RSPH10B: variants seen among roughly 807,000 people sequenced by gnomAD.
RSPH10B encodes radial spoke head 10 homolog B, also known as radial spoke head 10 homolog B (Chlamydomonas).
RSPH10B carries 7 observed loss-of-function variants against 52.5 expected under a neutral mutation model. That is an observed-to-expected ratio of 0.13 (90% CI 0.08 to 0.25). The LOEUF is 0.25. Ranked by LOEUF, RSPH10B falls within the 10% of genes least tolerant of loss-of-function variation. RSPH10B has a pLI of 1.00. For synonymous variants in RSPH10B, 28 were observed against 193.2 expected, an observed-to-expected ratio of 0.14 and a Z score of 7.09; for missense variants, 89 against 542.5, an observed-to-expected ratio of 0.16 and a Z score of 8.30.
rs568197643 is a variant in RSPH10B, at chr7:5,956,590, G to A, written c.781-409C>T. ...TTGCTTTTATATATTTTTATTTTTT[G>A]AGAAAGGGTCTCACTCTGTTACCCA... is the stretch of plus-strand genomic sequence containing the variant. On this transcript the variant is annotated intron_variant, in intron 6 of 18. Transcript: ENST00000337579. 3.5e-5 allele frequency among the ~76,000 whole-genome samples: 5 copies of A among 144,340 alleles called. No homozygotes were observed. The South Asian group carries it at 8.7e-4, about 25-fold the overall frequency. 94.7% of individuals were successfully genotyped at this position (144,340 alleles called of 152,430 possible).
chr7:5,938,395 G>A (rs1178387819), intron 14 of RSPH10B, among the ~76,000 whole-genome samples: 1 of 123,504 alleles, frequency 8.1e-6, no homozygotes, highest in South Asian at 2.3e-4. Context: ...GTGAAACTCC[G>A]TCTCTACTAA....
In RSPH10B at chr7:5,940,942, A is replaced by ATT. The variant is rs1562565206; in HGVS notation, c.1759-2114_1759-2113insAA. On this transcript the variant is annotated intron_variant, in intron 13 of 18. Coordinates refer to ENST00000337579, the Ensembl canonical transcript of RSPH10B. ...CTGTCAAAATAATAATAATAATAAT[A>ATT]ATTATTATTATTATTATTATTATTA... Among the ~76,000 whole-genome samples the ATT allele has an allele frequency of 4.0e-3, 186 of 45,970 alleles. 11 individuals are homozygous for ATT. Among genetic ancestry groups the ATT allele is most frequent in the African/African-American group, 8.4e-3 (158 of 18,746 alleles). 30.2% of individuals were successfully genotyped at this position (45,970 alleles called of 152,430 possible). A position where few individuals can be genotyped will look rare whatever the true frequency, so the allele number is the denominator to read the frequency against.
At chr7:5,942,930 T>TATATATATATATATATATA (rs1780281976) in intron 13 of RSPH10B, among the ~76,000 whole-genome samples, 1 of 144,518 alleles carries the variant, frequency 6.9e-6, no homozygotes, top group African/African-American at 2.5e-5. Context: ...ATATATATTT[T>TATATATATATATATATATA]TTTTTAAGAC....
intron 9 of RSPH10B, among the ~76,000 whole-genome samples, chr7:5,950,560 A>C (rs1583235025): frequency 7.3e-6 from 1 of 136,462 alleles, no homozygotes; most frequent in Non-Finnish European, 1.6e-5. Context: ...GACAAAAGGG[A>C]CTCCGTCTCA....
intron 11 of RSPH10B, among the ~76,000 whole-genome samples, chr7:5,944,387 G>C (rs1456431569): frequency 1.3e-5 from 2 of 150,646 alleles, no homozygotes; most frequent in Non-Finnish European, 2.9e-5. Context: ...GACAGAGCGA[G>C]ATTCCATCTC....
At chr7:5,929,450 G>A (rs1241380029) in intron 17 of RSPH10B, among the ~76,000 whole-genome samples, 1 of 98,886 alleles carries the variant, frequency 1.0e-5, no homozygotes, top group Non-Finnish European at 1.9e-5. Flanking sequence ...TTACAGGCAT[G>A]AGCCTCTGCA....
At chr7:5,928,516 G>A (rs556796435) in intron 17 of RSPH10B, 122 bp from the exon 20 acceptor site, 4 of 1,485,692 alleles carry the variant, frequency 2.7e-6, no homozygotes, top group African/African-American at 1.4e-5. Flanking sequence ...CAGGAGAGGG[G>A]AGAGGAGTAA....
At chr7:5,941,952 G>C (rs1448630908) in intron 13 of RSPH10B, among the ~76,000 whole-genome samples, 1 of 148,958 alleles carries the variant, frequency 6.7e-6, no homozygotes, top group East Asian at 1.9e-4. Context: ...GAGTGCAGTG[G>C]CACAATTCCA....
At chr7:5,945,248 A>G in intron 10 of RSPH10B, 70 bp from the exon 13 acceptor site, 1 of 392,914 alleles carries the variant, frequency 2.5e-6, no homozygotes, top group South Asian at 2.2e-5. Context: ...CGCCTGGTAT[A>G]CAATTCGAAG....
At chr7:5,956,674 T>G (rs189639655) in intron 6 of RSPH10B, among the ~76,000 whole-genome samples, 71 of 150,832 alleles carry the variant, frequency 4.7e-4, no homozygotes, top group Non-Finnish European at 8.2e-4. Context: ...ACTCAAGTGA[T>G]CCTCCCACCT....
rs1298190628 is a variant in RSPH10B, at chr7:5,937,864, AAGCTTAAGAG to A, written c.1894_1903del (p.Leu633HisfsTer9). 4.3e-6 allele frequency: 3 copies of A among 701,078 alleles called. No homozygotes were observed. The Admixed American group carries it at 7.1e-5, about 17-fold the overall frequency. The allele number at this position is 701,078 out of a possible 1,614,324, so 43.4% of individuals were successfully genotyped here. A position where few individuals can be genotyped will look rare whatever the true frequency, so the allele number is the denominator to read the frequency against. On this transcript the variant is annotated frameshift_variant, in exon 15 of 19. Coordinates refer to ENST00000337579, the Ensembl canonical transcript of RSPH10B. LOFTEE classifies it high-confidence loss of function. ...TTGGTCAGTAACACAGATGAATGCA[AAGCTTAAGAG>A]AGCTTCAAAGAATTCCAGGAAAACC...
intron 7 of RSPH10B, among the ~76,000 whole-genome samples, chr7:5,955,185 CA>C (rs1780711124): frequency 8.0e-6 from 1 of 125,514 alleles, no homozygotes; most frequent in African/African-American, 2.8e-5. Flanking sequence ...AAAAAAAAGT[CA>C]TGTAATCACC....
At chr7:5,933,015 CTTTT>C in intron 16 of RSPH10B, 140 bp from the exon 19 acceptor site, 93 of 27,252 alleles carry the variant, frequency 3.4e-3, no homozygotes, top group Admixed American at 4.1e-3. Flanking sequence ...TTTAATTTGA[CTTTT>C]TTTTTTTTTT....
chr7:5,926,957 G>C lies in RSPH10B; in HGVS notation c.2433-409C>G, dbSNP rs561705706. On this transcript the variant is annotated intron_variant, in intron 18 of 18. Transcript: ENST00000337579. ...TTTTAGTAGAGATGGGTTTCACCAG[G>C]TTGGCCAGGCTGGTCTCAAACTCCT... is the stretch of plus-strand genomic sequence containing the variant. Among the ~76,000 whole-genome samples the C allele has an allele frequency of 6.4e-4, 97 of 150,862 alleles. No homozygotes were observed. The East Asian group carries it at 0.018, about 29-fold the overall frequency.
intron 13 of RSPH10B, among the ~76,000 whole-genome samples, chr7:5,942,924 A>ATT (rs1290129042): frequency 1.7e-5 from 2 of 118,266 alleles, no homozygotes; most frequent in South Asian, 5.3e-4. Context: ...ATATATATAT[A>ATT]TATTTTTTTT....
intron 17 of RSPH10B, among the ~76,000 whole-genome samples, chr7:5,928,627 C>CT (rs1306935521): frequency 8.9e-5 from 12 of 135,106 alleles, no homozygotes; most frequent in African/African-American, 3.1e-4. Context: ...CTCGTTTTTT[C>CT]TTTTTTGTTT....
chr7:5,966,860 C>A lies in RSPH10B; in HGVS notation c.254+3G>T. On this transcript the variant is annotated splice_donor_region_variant and intron_variant, in intron 1 of 18. Coordinates refer to ENST00000337579, the Ensembl canonical transcript of RSPH10B. Reference sequence around the variant, plus strand: ...TACCCGATGGCACCCCCATTAAAATCACCTTTCCACTATGAGTTTGGTCAG... The same window carrying A: ...TACCCGATGGCACCCCCATTAAAATAACCTTTCCACTATGAGTTTGGTCAG... 1.5e-6 allele frequency: 2 copies of A among 1,357,000 alleles called. 1 individual carries two copies. The highest frequency in any genetic ancestry group is 2.0e-6 in the Non-Finnish European group (2 of 980,918). The allele number at this position is 1,357,000 out of a possible 1,614,324, so 84.1% of individuals were successfully genotyped here. A position where few individuals can be genotyped will look rare whatever the true frequency, so the allele number is the denominator to read the frequency against.
intron 11 of RSPH10B, among the ~76,000 whole-genome samples, chr7:5,944,531 G>C (rs1266223619): frequency 6.7e-6 from 1 of 149,312 alleles, no homozygotes; most frequent in Non-Finnish European, 1.5e-5. Context: ...TAGAAACCCC[G>C]AGAGATATTT....
intron 14 of RSPH10B, among the ~76,000 whole-genome samples, chr7:5,938,410 A>G (rs1376608185): frequency 8.3e-6 from 1 of 120,918 alleles, no homozygotes; most frequent in East Asian, 2.0e-4. Context: ...TACTAAAAAA[A>G]ATACAAAAAA....
Sources: gnomAD v4.1 joint callset for allele counts (sites outside exome capture counted in the v4.1 genomes callset) on GRCh38, gnomAD v4.1.1 for gene constraint, MANE v1.5 for transcripts, NCBI Gene and HGNC (gene_info 2026-07-23, HGNC 2026-07-21) for gene names.